The following DLG2 variants were observed in gnomAD, a reference collection of about 807,000 sequenced individuals.
DLG2 encodes the protein disks large homolog 2.
Under a neutral mutation model 132.5 loss-of-function variants are expected in DLG2, and 45 were observed. The observed-to-expected ratio is 0.34, with a 90% CI of 0.27 to 0.44. DLG2 has a LOEUF of 0.44. Ranked by LOEUF, DLG2 falls within the 20% of genes least tolerant of loss-of-function variation. The probability of loss-of-function intolerance (pLI) is 1.00; values close to 1 mark genes in which losing one functional copy is unlikely to be tolerated. For missense variants in DLG2, 1,045 were observed against 1,196.9 expected (o/e 0.87, Z 1.87); for synonymous variants, 424 against 419.6 (o/e 1.01, Z -0.13).
intron 18 of DLG2, among the ~76,000 whole-genome samples, chr11:83,663,494 C>A (rs2074827118): frequency 3.3e-5 from 5 of 152,184 alleles, no homozygotes; most frequent in Admixed American, 3.3e-4. Context: ...TGTATTAGGT[C>A]TGGCAAGACA....
At chr11:83,596,441 T>G (rs1209828794) in intron 19 of DLG2, among the ~76,000 whole-genome samples, 1 of 152,180 alleles carries the variant, frequency 6.6e-6, no homozygotes, top group African/African-American at 2.4e-5. Flanking sequence ...TCCTCTTCAT[T>G]TATTCCCATT....
At chr11:85,549,162 C>A (rs1180695808) in intron 3 of DLG2, among the ~76,000 whole-genome samples, 2 of 152,124 alleles carry the variant, frequency 1.3e-5, no homozygotes, top group Non-Finnish European at 2.9e-5. Context: ...GTTGTGAAGA[C>A]CATGGGAAAA....
At chr11:83,551,286 T>C (rs2096384631) in intron 19 of DLG2, among the ~76,000 whole-genome samples, 1 of 152,174 alleles carries the variant, frequency 6.6e-6, no homozygotes, top group Admixed American at 6.6e-5. Flanking sequence ...GGTTCTACTG[T>C]TACTCACTGG....
chr11:85,107,492 G>A (rs2071961835), intron 6 of DLG2, among the ~76,000 whole-genome samples: 2 of 152,024 alleles, frequency 1.3e-5, no homozygotes, highest in Admixed American at 6.6e-5. Context: ...AGCCACTCAA[G>A]CTTCTTACAG....
In DLG2 at chr11:85,209,687, G is replaced by A. The variant is rs887977793; in HGVS notation, c.187-55036C>T. ...ACTCCTGACCTCAAGTAATCCACCCGCCTCGGCCTCCCAAAGTTCTGGGAT... is the reference window on the plus strand; with the variant it reads ...ACTCCTGACCTCAAGTAATCCACCCACCTCGGCCTCCCAAAGTTCTGGGAT... On this transcript the variant is annotated intron_variant, in intron 4 of 27. Coordinates refer to ENST00000376104, the MANE Select transcript of DLG2 (RefSeq NM_001142699.3). Among the ~76,000 whole-genome samples, 19 of 143,104 alleles carry A rather than the reference G, an allele frequency of 1.3e-4. No homozygotes were observed. In the East Asian group the frequency reaches 2.7e-3, roughly 20 times the overall value. 93.9% of individuals were successfully genotyped at this position (143,104 alleles called of 152,430 possible). A position where few individuals can be genotyped will look rare whatever the true frequency, so the allele number is the denominator to read the frequency against.
chr11:84,184,987 T>C (rs898798567), intron 8 of DLG2, among the ~76,000 whole-genome samples: 2 of 152,198 alleles, frequency 1.3e-5, no homozygotes, highest in Non-Finnish European at 2.9e-5. Flanking sequence ...TGTAGTGTAG[T>C]TTGAAATCAG....
At chr11:85,337,252 C>A (rs1421334496) in intron 3 of DLG2, among the ~76,000 whole-genome samples, 2 of 151,964 alleles carry the variant, frequency 1.3e-5, no homozygotes, top group African/African-American at 4.8e-5. Flanking sequence ...AATTCTTTTT[C>A]TTTTTCTTTT....
At chr11:85,254,914 G>T (rs1019543836) in intron 4 of DLG2, among the ~76,000 whole-genome samples, 4 of 151,654 alleles carry the variant, frequency 2.6e-5, no homozygotes, top group African/African-American at 9.7e-5. Flanking sequence ...CAGTAGAATG[G>T]CGTGAACCCA....
At chr11:84,674,918 T>C (rs1001304359) in intron 6 of DLG2, among the ~76,000 whole-genome samples, 2 of 152,148 alleles carry the variant, frequency 1.3e-5, no homozygotes, top group Non-Finnish European at 2.9e-5. Context: ...AATGACTTTT[T>C]CCCACAAGAC....
intron 9 of DLG2, among the ~76,000 whole-genome samples, chr11:84,161,813 T>C (rs1176909013): frequency 3.3e-5 from 5 of 152,288 alleles, no homozygotes; most frequent in African/African-American, 1.2e-4. Context: ...ATATAGCTTG[T>C]CTTGGAGAGA....
chr11:83,824,608 TTAAA>T, intron 17 of DLG2, among the ~76,000 whole-genome samples: 1 of 152,350 alleles, frequency 6.6e-6, no homozygotes, highest in East Asian at 1.9e-4. Context: ...AGTTATTTTG[TTAAA>T]TAATGTTAAA....
intron 7 of DLG2, among the ~76,000 whole-genome samples, chr11:84,491,524 T>G (rs1389515705): frequency 6.6e-6 from 1 of 152,184 alleles, no homozygotes; most frequent in Non-Finnish European, 1.5e-5. Context: ...GTTACCAAGA[T>G]GGACGCATTT....
intron 3 of DLG2, among the ~76,000 whole-genome samples, chr11:85,438,922 A>G (rs2091632287): frequency 6.6e-6 from 1 of 152,220 alleles, no homozygotes; most frequent in Non-Finnish European, 1.5e-5. Flanking sequence ...ATGTTATGTA[A>G]ATGGAATCAA....
chr11:83,935,819 C>A (rs1188663055), intron 14 of DLG2, among the ~76,000 whole-genome samples: 1 of 152,146 alleles, frequency 6.6e-6, no homozygotes, highest in East Asian at 1.9e-4. Context: ...ATGTTAAGTA[C>A]AAGCAAACCA....
chr11:85,338,343 T>C (rs2082263957), intron 3 of DLG2, among the ~76,000 whole-genome samples: 1 of 152,180 alleles, frequency 6.6e-6, no homozygotes, highest in African/African-American at 2.4e-5. Context: ...GAACAGCATT[T>C]ATGTACAAAT....
chr11:84,924,158 G>A (rs2092889061), intron 6 of DLG2, among the ~76,000 whole-genome samples: 1 of 152,024 alleles, frequency 6.6e-6, no homozygotes, highest in Admixed American at 6.5e-5. Context: ...TTCCTGTCAG[G>A]CACCGGATGC....
chr11:85,070,095 T>C (rs946250719), intron 6 of DLG2, among the ~76,000 whole-genome samples: 5 of 151,666 alleles, frequency 3.3e-5, no homozygotes, highest in African/African-American at 1.2e-4. Flanking sequence ...TAGGTGGGAA[T>C]TGAACAATGA....
chr11:84,820,997 T>C (rs368148765), intron 6 of DLG2, among the ~76,000 whole-genome samples: 10 of 151,964 alleles, frequency 6.6e-5, no homozygotes, highest in African/African-American at 1.9e-4. Context: ...ATGGAGTAGA[T>C]AGACTGTAAA....
chr11:85,127,511 G>C (rs1306166841), intron 5 of DLG2, among the ~76,000 whole-genome samples: 2 of 152,000 alleles, frequency 1.3e-5, no homozygotes. Context: ...TTCTGTAATT[G>C]GTTGTTTTCC....
Sources: gnomAD v4.1 joint callset for allele counts (sites outside exome capture counted in the v4.1 genomes callset) on GRCh38, gnomAD v4.1.1 for gene constraint, MANE v1.5 for transcripts, NCBI Gene and HGNC (gene_info 2026-07-23, HGNC 2026-07-21) for gene names.